Variants in CHCHD6 observed in about 807,000 individuals in gnomAD.
The protein encoded by CHCHD6 is MICOS complex subunit MIC25.
Under a neutral mutation model 32.3 loss-of-function variants are expected in CHCHD6, and 28 were observed. The observed-to-expected ratio is 0.87, with a 90% CI of 0.64 to 1.19. The LOEUF (loss-of-function observed/expected upper bound fraction) is 1.19, where lower values mean the gene tolerates loss of function less well. CHCHD6 is among the 50% of genes most tolerant of loss of function. The pLI, the probability that CHCHD6 is intolerant of heterozygous loss-of-function variation, is 0.00. For missense variants in CHCHD6, 333 were observed against 307.0 expected (o/e 1.08, Z -0.63); for synonymous variants, 122 against 117.5 (o/e 1.04, Z -0.25).
At chr3:126,883,238 T>A (rs1345085463) in intron 5 of CHCHD6, among the ~76,000 whole-genome samples, 1 of 152,080 alleles carries the variant, frequency 6.6e-6, no homozygotes, top group Non-Finnish European at 1.5e-5. Context: ...TTTCCCCGAG[T>A]TCTGTGAGCT....
At chr3:126,767,614 T>A (rs1238067690) in intron 4 of CHCHD6, 1 of 325,956 alleles carries the variant, frequency 3.1e-6, no homozygotes, top group South Asian at 4.2e-5. Context: ...AACATTTAGG[T>A]TCAGGGGTGC....
At chr3:126,766,988 C>A in intron 4 of CHCHD6, 1 of 879,216 alleles carries the variant, frequency 1.1e-6, no homozygotes, top group Non-Finnish European at 1.9e-6. Context: ...GCGCCACAGG[C>A]TACGTCTCAC....
intron 6 of CHCHD6, among the ~76,000 whole-genome samples, chr3:126,941,369 T>C (rs1279033990): frequency 1.3e-5 from 2 of 152,266 alleles, no homozygotes; most frequent in Non-Finnish European, 2.9e-5. Context: ...CACTTCTGCA[T>C]GTTTTAAACC....
At chr3:126,847,125 T>C (rs1015406105) in intron 4 of CHCHD6, among the ~76,000 whole-genome samples, 1 of 152,230 alleles carries the variant, frequency 6.6e-6, no homozygotes, top group Non-Finnish European at 1.5e-5. Flanking sequence ...TGTAGTGACT[T>C]AAACATTTAT....
chr3:126,916,894 C>T (rs2078179645), intron 6 of CHCHD6, among the ~76,000 whole-genome samples: 1 of 152,214 alleles, frequency 6.6e-6, no homozygotes, highest in African/African-American at 2.4e-5. Context: ...GCCAATGGCC[C>T]CTCCCTTTCT....
chr3:126,887,928 A>T (rs1166865530), intron 5 of CHCHD6, among the ~76,000 whole-genome samples: 1 of 151,854 alleles, frequency 6.6e-6, no homozygotes, highest in Non-Finnish European at 1.5e-5. Flanking sequence ...TGAGATAAGA[A>T]CTCCACTTTT....
chr3:126,865,614 A>G (rs1230115064), intron 5 of CHCHD6: 17 of 984,796 alleles, frequency 1.7e-5, no homozygotes, highest in Non-Finnish European at 2.0e-5. Flanking sequence ...CACTGCTACC[A>G]CCATTTTGAT....
chr3:126,948,118 G>A (rs992741743), intron 6 of CHCHD6, among the ~76,000 whole-genome samples: 5 of 152,138 alleles, frequency 3.3e-5, no homozygotes, highest in African/African-American at 1.2e-4. Flanking sequence ...GCCCATCCCC[G>A]CTCCCCACTC....
At chr3:126,902,049 G>C (rs2077935917) in intron 5 of CHCHD6, among the ~76,000 whole-genome samples, 1 of 152,256 alleles carries the variant, frequency 6.6e-6, no homozygotes, top group African/African-American at 2.4e-5. Flanking sequence ...AGTGAGTGGA[G>C]AAACCAGGAT....
intron 6 of CHCHD6, among the ~76,000 whole-genome samples, chr3:126,937,846 C>A (rs2078504123): frequency 1.3e-5 from 2 of 152,132 alleles, no homozygotes; most frequent in Non-Finnish European, 2.9e-5. Flanking sequence ...GAGATAGTAT[C>A]AGAGAGCTCT....
chr3:126,900,531 C>T (rs531880683), intron 5 of CHCHD6, among the ~76,000 whole-genome samples: 8 of 150,650 alleles, frequency 5.3e-5, no homozygotes, highest in East Asian at 3.9e-4. Context: ...TGGCAGAAGG[C>T]GAATGGGGAG....
chr3:126,913,441 G>T (rs1009948638), intron 5 of CHCHD6, among the ~76,000 whole-genome samples: 6 of 151,722 alleles, frequency 4.0e-5, no homozygotes, highest in South Asian at 2.1e-4. Flanking sequence ...TGCCATTTGG[G>T]CCAGGCTGAT....
intron 4 of CHCHD6, among the ~76,000 whole-genome samples, chr3:126,847,637 G>A (rs756016869): frequency 6.6e-6 from 1 of 152,158 alleles, no homozygotes; most frequent in African/African-American, 2.4e-5. Flanking sequence ...GATCATCAGG[G>A]GCCATCTTGG....
intron 6 of CHCHD6, among the ~76,000 whole-genome samples, chr3:126,947,077 C>T (rs142912644): frequency 3.5e-4 from 53 of 152,376 alleles, no homozygotes; most frequent in African/African-American, 8.9e-4. Flanking sequence ...CAGGGCCTGG[C>T]GTCTGGTCCC....
At chr3:126,940,331 C>T (rs779617729) in intron 6 of CHCHD6, among the ~76,000 whole-genome samples, 19 of 152,190 alleles carry the variant, frequency 1.2e-4, no homozygotes, top group Admixed American at 3.3e-4. Flanking sequence ...GCTATTTTCC[C>T]TCATCTATAT....
chr3:126,718,161 T>C (rs1935110967), intron 1 of CHCHD6, among the ~76,000 whole-genome samples: 1 of 152,206 alleles, frequency 6.6e-6, no homozygotes, highest in Non-Finnish European at 1.5e-5. Flanking sequence ...AAAGACTTGC[T>C]CAAGGTTGCA....
intron 1 of CHCHD6, among the ~76,000 whole-genome samples, chr3:126,718,731 G>A (rs1340056087): frequency 6.6e-6 from 1 of 152,198 alleles, no homozygotes; most frequent in African/African-American, 2.4e-5. Context: ...CTCCTGGCCA[G>A]CTCTGATGGC....
intron 1 of CHCHD6, 91 bp from the exon 2 acceptor site, chr3:126,726,987 A>G (rs1935562314): frequency 3.5e-6 from 3 of 862,156 alleles, no homozygotes; most frequent in Non-Finnish European, 5.8e-6. Context: ...CAGCGCATTC[A>G]GTAAATCTGG....
At chr3:126,711,903 G>A (rs903976862) in intron 1 of CHCHD6, among the ~76,000 whole-genome samples, 3 of 152,246 alleles carry the variant, frequency 2.0e-5, no homozygotes, top group African/African-American at 7.2e-5. Context: ...TACACACTGT[G>A]TGCCGGTTTC....
Sources: allele counts gnomAD v4.1 joint callset (sites outside exome capture counted in the v4.1 genomes callset), GRCh38; gene constraint gnomAD v4.1.1; transcripts MANE v1.5; gene names NCBI Gene and HGNC (gene_info 2026-07-23, HGNC 2026-07-21).